WDFY3: variants seen among roughly 807,000 people sequenced by gnomAD.
WDFY3 encodes the protein WD repeat and FYVE domain containing 3, also known as WD repeat and FYVE domain-containing protein 3.
Under a neutral mutation model 409.6 loss-of-function variants are expected in WDFY3, and 66 were observed. The observed-to-expected ratio is 0.16, with a 90% CI of 0.13 to 0.20. The LOEUF (loss-of-function observed/expected upper bound fraction) is 0.20. Among genes scored for constraint, WDFY3 ranks in the 10% least tolerant of loss-of-function variants. The pLI is 1.00. For synonymous variants in WDFY3, 1,521 were observed against 1,537.1 expected (o/e 0.99, Z 0.25); for missense variants, 3,031 against 4,298.1 (o/e 0.71, Z 8.24).
chr4:84,701,681 C>G (rs1731093033), intron 56 of WDFY3, among the ~76,000 whole-genome samples: 1 of 152,200 alleles, frequency 6.6e-6, no homozygotes, highest in Non-Finnish European at 1.5e-5. Context: ...TCCACTTCCT[C>G]TAACAGCCAG....
intron 29 of WDFY3, 97 bp downstream of exon 29, chr4:84,774,723 A>T: frequency 8.0e-7 from 1 of 1,256,528 alleles, no homozygotes; most frequent in Non-Finnish European, 1.1e-6. Context: ...AGGTGTTATT[A>T]CACAGTCATA....
At chr4:84,688,021 T>C in intron 62 of WDFY3, 65 bp downstream of exon 62, 2 of 1,527,478 alleles carry the variant, frequency 1.3e-6, no homozygotes, top group Non-Finnish European at 1.8e-6. Context: ...AGCCCCACCA[T>C]TTTTAATTGA....
chr4:84,767,112 A>G (rs562481460), intron 30 of WDFY3, among the ~76,000 whole-genome samples: 2 of 144,798 alleles, frequency 1.4e-5, no homozygotes, highest in Non-Finnish European at 3.0e-5. Flanking sequence ...CAATCAGGCC[A>G]TTTTTTTTTT....
chr4:84,675,374 T>C (rs1726101147), intron 67 of WDFY3, among the ~76,000 whole-genome samples: 1 of 152,188 alleles, frequency 6.6e-6, no homozygotes, highest in South Asian at 2.1e-4. Context: ...GGGTCCCTCA[T>C]CTTGAACCAG....
chr4:84,687,799 T>C (rs1353843715), intron 62 of WDFY3: 4 of 264,242 alleles, frequency 1.5e-5, no homozygotes, highest in Non-Finnish European at 2.9e-5. Context: ...CTGATCAGCA[T>C]GGGAATTTTG....
chr4:84,718,598 A>C (rs1734341941), intron 47 of WDFY3, 28 bp from the exon 48 acceptor site: 13 of 1,592,976 alleles, frequency 8.2e-6, no homozygotes, highest in Admixed American at 1.8e-5. Context: ...AACATTCATT[A>C]ATATAGGCTT....
intron 49 of WDFY3, among the ~76,000 whole-genome samples, chr4:84,715,610 TA>T (rs1223965673): frequency 4.6e-5 from 7 of 151,274 alleles, no homozygotes; most frequent in South Asian, 2.1e-4. Context: ...CCGTCTCTAC[TA>T]AAAAATACAA....
intron 58 of WDFY3, 70 bp downstream of exon 58, chr4:84,695,900 A>T (rs1289712373): frequency 1.4e-6 from 2 of 1,390,714 alleles, no homozygotes; most frequent in African/African-American, 1.4e-5. Context: ...ATTTTGTGGT[A>T]ATCTACAATC....
intron 3 of WDFY3, among the ~76,000 whole-genome samples, chr4:84,891,996 A>C (rs1765017209): frequency 6.6e-6 from 1 of 151,740 alleles, no homozygotes; most frequent in Non-Finnish European, 1.5e-5. Context: ...GAAATTGTCT[A>C]AAGGTAATTT....
intron 2 of WDFY3, among the ~76,000 whole-genome samples, chr4:84,929,469 GCCCCC>G (rs371877964): frequency 7.3e-6 from 1 of 136,948 alleles, no homozygotes; most frequent in Non-Finnish European, 1.6e-5. Flanking sequence ...ATTGAATTGC[GCCCCC>G]CCCCCCAAAT....
intron 17 of WDFY3, 43 bp downstream of exon 17, chr4:84,801,607 A>T (rs1228402733): frequency 8.4e-6 from 13 of 1,555,176 alleles, no homozygotes; most frequent in Non-Finnish European, 1.0e-5. Context: ...CTAGAAACTG[A>T]CATTACTAAT....
chr4:84,803,274 A>G lies in WDFY3; in HGVS notation c.2607+16T>C, dbSNP rs770283497. On this transcript the variant is annotated intron_variant, in intron 16 of 67. Coordinates refer to ENST00000295888, the MANE Select transcript of WDFY3 (RefSeq NM_014991.6). ...TTTCATTACAGACGGGAAGGAACTA[A>G]CATATTCAAGCTTACTTCTGGCTGT... The G allele has an allele frequency of 1.9e-6, 3 of 1,592,828 alleles. No homozygotes were observed. In the South Asian group the frequency reaches 3.4e-5, roughly 18 times the overall value.
intron 51 of WDFY3, 120 bp downstream of exon 51, chr4:84,713,038 TA>T: frequency 3.0e-6 from 3 of 999,902 alleles, no homozygotes; most frequent in Non-Finnish European, 4.6e-6. Flanking sequence ...AGTATTTTTT[TA>T]AAAAAATTTG....
intron 13 of WDFY3, among the ~76,000 whole-genome samples, chr4:84,810,634 C>CAATG (rs1335703462): frequency 6.6e-6 from 1 of 152,174 alleles, no homozygotes; most frequent in Non-Finnish European, 1.5e-5. Context: ...ATTATGACAT[C>CAATG]AATGAATTCA....
chr4:84,919,771 G>A (rs1432946227), intron 2 of WDFY3, among the ~76,000 whole-genome samples: 2 of 152,248 alleles, frequency 1.3e-5, no homozygotes, highest in East Asian at 1.9e-4. Context: ...CAGCCATGTG[G>A]AACTGTGAGT....
intron 3 of WDFY3, among the ~76,000 whole-genome samples, chr4:84,864,085 G>A (rs1041672414): frequency 6.6e-6 from 1 of 151,954 alleles, no homozygotes; most frequent in Non-Finnish European, 1.5e-5. Context: ...TGCTATTGGA[G>A]GCCAGGCGCA....
intron 5 of WDFY3, among the ~76,000 whole-genome samples, chr4:84,842,593 T>G (rs1052837084): frequency 6.6e-6 from 1 of 151,798 alleles, no homozygotes; most frequent in East Asian, 2.0e-4. Flanking sequence ...TCTTGGCCAC[T>G]AACACAGTGA....
In WDFY3 at chr4:84,964,056, A is replaced by G. The variant is rs558595468; in HGVS notation, c.-226+2153T>C. On this transcript the variant is annotated intron_variant, in intron 1 of 67. Coordinates refer to ENST00000295888, the MANE Select transcript of WDFY3 (RefSeq NM_014991.6). ...GAAGTTCATAATCTTTTACAGACCCATATCCTTTTGAGAATGTGATCACCC... is the reference window on the plus strand; with the variant it reads ...GAAGTTCATAATCTTTTACAGACCCGTATCCTTTTGAGAATGTGATCACCC... Among the ~76,000 whole-genome samples, 6 of 152,356 alleles carry G rather than the reference A, an allele frequency of 3.9e-5. No individual in the cohort carries two copies. In the East Asian group the frequency reaches 9.6e-4, roughly 24 times the overall value.
At chr4:84,807,163 G>A (rs1298687719) in intron 15 of WDFY3, among the ~76,000 whole-genome samples, 2 of 151,574 alleles carry the variant, frequency 1.3e-5, no homozygotes, top group African/African-American at 2.4e-5. Context: ...TTTTTACCTC[G>A]ACCATTTTAG....
Sources: allele counts gnomAD v4.1 joint callset (sites outside exome capture counted in the v4.1 genomes callset), GRCh38; gene constraint gnomAD v4.1.1; transcripts MANE v1.5; gene names NCBI Gene and HGNC (gene_info 2026-07-23, HGNC 2026-07-21).